FAAH2: variants seen among roughly 807,000 people sequenced by gnomAD.
FAAH2 encodes fatty-acid amide hydrolase 2.
Under a neutral mutation model 36.9 loss-of-function variants are expected in FAAH2, and 60 were observed. The observed-to-expected ratio is 1.63, with a 90% CI of 1.32 to 2.02. The LOEUF (loss-of-function observed/expected upper bound fraction) is 2.02, where lower values mean the gene tolerates loss of function less well. FAAH2 is among the 30% of genes most tolerant of loss of function. The pLI, the probability that FAAH2 is intolerant of heterozygous loss-of-function variation, is 0.00. For missense variants in FAAH2, 689 were observed against 397.5 expected (o/e 1.73, Z -6.23); for synonymous variants, 214 against 143.8 (o/e 1.49, Z -3.49).
At chrX:57,135,641 G>C in the FAAH2 span, 299 of 1,005,733 alleles carry the variant, frequency 3.0e-4, 1 homozygote, top group South Asian at 4.6e-3. Context: ...AGGGCTTACA[G>C]ACAGCATGTC....
At chrX:57,354,493 G>A (rs2054112377) in intron 5 of FAAH2, among the ~76,000 whole-genome samples, 1 of 109,963 alleles carries the variant, frequency 9.1e-6, no homozygotes, top group Non-Finnish European at 1.9e-5. Context: ...CATTATTCAG[G>A]TGATGGATAC....
intron 5 of FAAH2, among the ~76,000 whole-genome samples, chrX:57,363,713 GTTC>G (rs1424350351): frequency 1.8e-5 from 2 of 110,794 alleles, no homozygotes; most frequent in Non-Finnish European, 1.9e-5. Flanking sequence ...TTCAATGATG[GTTC>G]TTATTATTTT....
At chrX:57,258,921 C>G in the FAAH2 span, among the ~76,000 whole-genome samples, 1 of 108,205 alleles carries the variant, frequency 9.2e-6, no homozygotes, top group Non-Finnish European at 1.9e-5. Context: ...GAGCTTTCAC[C>G]GTGTTAGCCA....
chrX:57,134,262 C>T, the FAAH2 span, among the ~76,000 whole-genome samples: 2 of 111,604 alleles, frequency 1.8e-5, no homozygotes, highest in African/African-American at 3.3e-5. Flanking sequence ...AAGTCAAAAC[C>T]CCCAGCCCAA....
At chrX:57,313,803 C>T (rs1024367863) in intron 3 of FAAH2, among the ~76,000 whole-genome samples, 3 of 111,417 alleles carry the variant, frequency 2.7e-5, no homozygotes, top group African/African-American at 9.8e-5. Flanking sequence ...CACAGAGACA[C>T]TCAAGCTGAT....
intron 5 of FAAH2, among the ~76,000 whole-genome samples, chrX:57,367,754 G>A (rs1003052802): frequency 1.8e-5 from 2 of 111,621 alleles, no homozygotes; most frequent in Admixed American, 9.5e-5. Context: ...TAAGAAGGAG[G>A]TTTCTAACAG....
chrX:57,146,869 A>C, the FAAH2 span, among the ~76,000 whole-genome samples: 7 of 111,836 alleles, frequency 6.3e-5, no homozygotes, highest in Non-Finnish European at 1.3e-4. Flanking sequence ...TATCACATTT[A>C]TTGACTTGCT....
At chrX:57,300,125 C>G (rs1270523969) in intron 2 of FAAH2, among the ~76,000 whole-genome samples, 1 of 111,209 alleles carries the variant, frequency 9.0e-6, no homozygotes, top group African/African-American at 3.3e-5. Flanking sequence ...TCATATAGAA[C>G]CAAAAAAGAG....
At chrX:57,171,670 C>T in the FAAH2 span, among the ~76,000 whole-genome samples, 1 of 111,652 alleles carries the variant, frequency 9.0e-6, no homozygotes, top group East Asian at 2.8e-4. Context: ...AGTCTTCTGT[C>T]AGATGAATAA....
At chrX:57,352,545 A>T (rs945269487) in intron 5 of FAAH2, among the ~76,000 whole-genome samples, 4 of 110,682 alleles carry the variant, frequency 3.6e-5, no homozygotes, top group African/African-American at 9.8e-5. Flanking sequence ...TTCCTCTAAC[A>T]ACTGGAACAA....
the FAAH2 span, among the ~76,000 whole-genome samples, chrX:57,240,446 G>A: frequency 9.0e-6 from 1 of 111,599 alleles, no homozygotes. Flanking sequence ...TACTCCAATG[G>A]GAGTGCTGGC....
At chrX:57,300,216 G>A (rs1020553195) in intron 2 of FAAH2, among the ~76,000 whole-genome samples, 1 of 111,278 alleles carries the variant, frequency 9.0e-6, no homozygotes. Context: ...ATACTACAAG[G>A]CTACAGTAAT....
At chrX:57,283,142 TCTC>T (rs772483460), upstream of FAAH2, among the ~76,000 whole-genome samples, 1 of 112,312 alleles carries the variant, frequency 8.9e-6, no homozygotes, top group Non-Finnish European at 1.9e-5. Flanking sequence ...ACCAGCCTCT[TCTC>T]CTTATGGTGG....
chrX:57,247,842 C>A, the FAAH2 span, among the ~76,000 whole-genome samples: 5 of 112,331 alleles, frequency 4.5e-5, no homozygotes, highest in Admixed American at 1.9e-4. Flanking sequence ...GTGCTTCAAA[C>A]GTGTTTTCCC....
At chrX:57,247,121 T>A in the FAAH2 span, among the ~76,000 whole-genome samples, 36 of 111,595 alleles carry the variant, frequency 3.2e-4, no homozygotes, top group Non-Finnish European at 5.8e-4. Context: ...ATGCTTGACA[T>A]ATAGTTTGTA....
At chrX:57,361,905 G>T (rs2054294422) in intron 5 of FAAH2, among the ~76,000 whole-genome samples, 1 of 110,912 alleles carries the variant, frequency 9.0e-6, no homozygotes, top group Non-Finnish European at 1.9e-5. Flanking sequence ...AGGAAACTCT[G>T]GTAGGCACAA....
At chrX:57,352,065 TAC>T (rs779470639) in intron 5 of FAAH2, among the ~76,000 whole-genome samples, 1,184 of 42,815 alleles carry the variant, frequency 0.028, 189 homozygotes, top group African/African-American at 0.051. Context: ...TATATATATA[TAC>T]ACATATATAT....
chrX:57,369,703 G>C (rs895734241), intron 5 of FAAH2, among the ~76,000 whole-genome samples: 1 of 111,894 alleles, frequency 8.9e-6, no homozygotes, highest in East Asian at 2.8e-4. Flanking sequence ...TACATTAAAT[G>C]CTTAAGGGAG....
At chrX:57,193,799 C>A in the FAAH2 span, among the ~76,000 whole-genome samples, 3 of 111,822 alleles carry the variant, frequency 2.7e-5, no homozygotes, top group Non-Finnish European at 5.6e-5. Flanking sequence ...GTTTTTAACC[C>A]TTAATTCTGT....
Sources: gnomAD v4.1 joint callset for allele counts (sites outside exome capture counted in the v4.1 genomes callset) on GRCh38, gnomAD v4.1.1 for gene constraint, MANE v1.5 for transcripts, NCBI Gene and HGNC (gene_info 2026-07-23, HGNC 2026-07-21) for gene names.